The following IMMP2L variants were observed in gnomAD, a reference collection of about 807,000 sequenced individuals.
IMMP2L encodes the protein mitochondrial inner membrane protease subunit 2.
A neutral mutation model predicts 19.3 loss-of-function variants in IMMP2L; 18 were observed. The observed-to-expected ratio is 0.93, with a 90% confidence interval of 0.64 to 1.38. The LOEUF (loss-of-function observed/expected upper bound fraction) is 1.38. Among genes scored for constraint, IMMP2L ranks in the 40% most tolerant of loss-of-function variants. The pLI, the probability that IMMP2L is intolerant of heterozygous loss-of-function variation, is 0.00. For missense variants in IMMP2L, 233 were observed against 218.2 expected (o/e 1.07, Z -0.43); for synonymous variants, 76 against 73.0 (o/e 1.04, Z -0.21).
At chr7:110,835,250 T>C (rs1334373087) in intron 5 of IMMP2L, among the ~76,000 whole-genome samples, 1 of 152,138 alleles carries the variant, frequency 6.6e-6, no homozygotes, top group Non-Finnish European at 1.5e-5. Flanking sequence ...CTGGGAACAA[T>C]ATGAGAGAAC....
At chr7:110,903,543 T>C (rs1697958396) in intron 4 of IMMP2L, among the ~76,000 whole-genome samples, 1 of 152,212 alleles carries the variant, frequency 6.6e-6, no homozygotes, top group African/African-American at 2.4e-5. Flanking sequence ...TTATTTCACT[T>C]AGCATAATGT....
rs138007231 is a variant in IMMP2L at position 110,834,604 on chromosome 7, A to T, written c.408+51989T>A. Among the ~76,000 whole-genome samples, 702 of 152,248 alleles carry T rather than the reference A, an allele frequency of 4.6e-3. 3 individuals are homozygous for T. Among genetic ancestry groups the T allele is most frequent in the African/African-American group, 0.016 (664 of 41,550 alleles). On this transcript the variant is annotated intron_variant, in intron 5 of 5. Coordinates refer to ENST00000405709, the MANE Select transcript of IMMP2L (RefSeq NM_032549.4). ...ACCATTATACCATCTTAGAACAAAGAATTAAATTTTTGAGTTCACAGCTTT... is the reference window on the plus strand; with the variant it reads ...ACCATTATACCATCTTAGAACAAAGTATTAAATTTTTGAGTTCACAGCTTT...
chr7:111,252,042 A>T (rs985667995), intron 3 of IMMP2L, among the ~76,000 whole-genome samples: 11 of 152,138 alleles, frequency 7.2e-5, no homozygotes, highest in African/African-American at 2.2e-4. Flanking sequence ...ACAGAAAAAA[A>T]GAAACAGATT....
intron 3 of IMMP2L, among the ~76,000 whole-genome samples, chr7:111,159,421 G>A (rs1403702555): frequency 2.0e-5 from 3 of 151,940 alleles, no homozygotes; most frequent in Non-Finnish European, 2.9e-5. Flanking sequence ...TCCTCAGGTC[G>A]ATGCTGATGA....
intron 3 of IMMP2L, among the ~76,000 whole-genome samples, chr7:111,187,357 A>T (rs960234944): frequency 1.3e-5 from 2 of 152,180 alleles, no homozygotes; most frequent in African/African-American, 2.4e-5. Context: ...CCAACTAAAT[A>T]TAATGCTGGC....
At chr7:111,392,731 G>A (rs1832483018) in intron 3 of IMMP2L, 1 of 456,110 alleles carries the variant, frequency 2.2e-6, no homozygotes, top group Admixed American at 2.4e-5. Flanking sequence ...GAGGTGGGAG[G>A]GTCCTCCCCT....
intron 3 of IMMP2L, among the ~76,000 whole-genome samples, chr7:111,336,158 T>C (rs1826381579): frequency 6.6e-6 from 1 of 151,756 alleles, no homozygotes; most frequent in Non-Finnish European, 1.5e-5. Flanking sequence ...GAAATCCTCC[T>C]GCCTCAGCCC....
rs1801389505 is a variant in IMMP2L at position 110,803,325 on chromosome 7, A to G, written c.408+83268T>C. 6.6e-6 allele frequency among the ~76,000 whole-genome samples: 1 copy of G among 152,112 alleles called. No homozygotes were observed. Among genetic ancestry groups the G allele is most frequent in the Non-Finnish European group, 1.5e-5 (1 of 67,986 alleles). ...GCTTAGAGACAGCCAGTTGATGTCC[A>G]CTTTGAATATCATCAAACTGCAGAA... On this transcript the variant is annotated intron_variant, in intron 5 of 5. Transcript: ENST00000405709. The surrounding 1 kb of genome is among the most constrained non-coding windows in gnomAD (Gnocchi z 4.2).
chr7:110,733,389 T>G (rs1024049439), intron 5 of IMMP2L, among the ~76,000 whole-genome samples: 2 of 151,930 alleles, frequency 1.3e-5, no homozygotes, highest in Admixed American at 1.3e-4. Context: ...TACATAGTTC[T>G]GCTTACATTT....
At chr7:110,770,365 C>T (rs937731173) in intron 5 of IMMP2L, among the ~76,000 whole-genome samples, 1 of 152,084 alleles carries the variant, frequency 6.6e-6, no homozygotes, top group African/African-American at 2.4e-5. Flanking sequence ...ACAAACATTT[C>T]TGTGAATATA....
chr7:110,923,438 C>T (rs1814519660), intron 4 of IMMP2L, among the ~76,000 whole-genome samples: 1 of 151,960 alleles, frequency 6.6e-6, no homozygotes, highest in Admixed American at 6.6e-5. Context: ...CAAAAACAAA[C>T]AAACAGAAAG....
intron 3 of IMMP2L, among the ~76,000 whole-genome samples, chr7:111,309,084 A>G (rs1823207855): frequency 6.6e-6 from 1 of 152,122 alleles, no homozygotes; most frequent in Admixed American, 6.6e-5. Flanking sequence ...AATAAACACA[A>G]TAATTTTTCA....
chr7:111,299,182 C>T (rs975502662), intron 3 of IMMP2L, among the ~76,000 whole-genome samples: 1 of 152,112 alleles, frequency 6.6e-6, no homozygotes, highest in Non-Finnish European at 1.5e-5. Flanking sequence ...TAAAAACACA[C>T]ACAGACAAAT....
chr7:110,862,305 T>A (rs904841951), intron 5 of IMMP2L, among the ~76,000 whole-genome samples: 28 of 151,912 alleles, frequency 1.8e-4, no homozygotes, highest in African/African-American at 6.7e-4. Flanking sequence ...CAGAATGTCT[T>A]TAGAGGAGAT....
intron 5 of IMMP2L, among the ~76,000 whole-genome samples, chr7:110,784,215 T>C (rs1799923870): frequency 6.6e-6 from 1 of 151,930 alleles, no homozygotes; most frequent in African/African-American, 2.4e-5. Context: ...GCAAAACCTA[T>C]GGACTTCTTC....
chr7:111,343,589 A>T (rs1584722695), intron 3 of IMMP2L, among the ~76,000 whole-genome samples: 2 of 152,126 alleles, frequency 1.3e-5, no homozygotes, highest in African/African-American at 4.8e-5. Context: ...ACTATCAGCA[A>T]GAGAGGGACC....
rs114281150 is a variant in IMMP2L, at chr7:111,104,815, G to A, written c.240-141250C>T. Among the ~76,000 whole-genome samples, 510 of 151,846 alleles carry A rather than the reference G, an allele frequency of 3.4e-3. 4 individuals carry two copies. Among genetic ancestry groups the A allele is most frequent in the African/African-American group, 0.012 (486 of 41,508 alleles). On this transcript the variant is annotated intron_variant, in intron 3 of 5. Coordinates refer to ENST00000405709, the MANE Select transcript of IMMP2L (RefSeq NM_032549.4). ...GAAATACCCAGCCTCGCATCTCATT[G>A]GAAGCAGGGCAAAATCTATTTAGAA...
chr7:111,562,492 C>T lies in IMMP2L; in HGVS notation c.-644G>A, dbSNP rs141920085. On this transcript the variant is annotated 5_prime_UTR_variant, in exon 1 of 6. Transcript: ENST00000405709. ...CTGCGCAGCTCAGCCCGGGGGAAGT[C>T]CCCGCGCAGACCCCGCCCTCCGCCG... The T allele has an allele frequency of 6.6e-6, 1 of 151,696 alleles. No homozygotes were observed. Among genetic ancestry groups the T allele is most frequent in the Admixed American group, 6.6e-5 (1 of 15,206 alleles). The allele number at this position is 151,696 out of a possible 1,614,324, so 9.4% of individuals were successfully genotyped here.
chr7:111,065,533 T>A (rs1348055500), intron 3 of IMMP2L, among the ~76,000 whole-genome samples: 1 of 152,140 alleles, frequency 6.6e-6, no homozygotes, highest in Non-Finnish European at 1.5e-5. Context: ...AGATTAACAT[T>A]TGGGTCAGTG....
Sources: gnomAD v4.1 joint callset for allele counts (sites outside exome capture counted in the v4.1 genomes callset) on GRCh38, gnomAD v4.1.1 for gene constraint, Gnocchi (gnomAD v3.1) non-coding constraint, MANE v1.5 for transcripts, NCBI Gene and HGNC (gene_info 2026-07-23, HGNC 2026-07-21) for gene names.